The following MYO16 variants were observed in gnomAD, a reference collection of about 807,000 sequenced individuals.
The protein encoded by MYO16 is myosin XVI, also known as unconventional myosin-XVI.
A neutral mutation model predicts 205.3 loss-of-function variants in MYO16; 94 were observed. That is an observed-to-expected ratio of 0.46 (90% CI 0.39 to 0.54). MYO16 has a LOEUF of 0.54. Among genes scored for constraint, MYO16 ranks in the 20% least tolerant of loss-of-function variants. The pLI is 0.00. For missense variants in MYO16, 2,315 were observed against 2,387.5 expected (o/e 0.97, Z 0.63); for synonymous variants, 988 against 954.0 (o/e 1.04, Z -0.66).
intron 6 of MYO16, among the ~76,000 whole-genome samples, chr13:108,799,295 C>T (rs1340114515): frequency 1.3e-5 from 2 of 152,154 alleles, no homozygotes; most frequent in African/African-American, 4.8e-5. Context: ...TGGGTGGAAC[C>T]CATGGATCAC....
intron 10 of MYO16, among the ~76,000 whole-genome samples, chr13:108,849,525 T>TTGTG (rs112815062): frequency 0.02 from 2,507 of 127,748 alleles, 123 homozygotes; most frequent in African/African-American, 0.055. Context: ...ATTTCCTCCT[T>TTGTG]TGTGTGTGTG....
At chr13:108,554,142 T>G in the MYO16 span, among the ~76,000 whole-genome samples, 1 of 152,192 alleles carries the variant, frequency 6.6e-6, no homozygotes, top group Non-Finnish European at 1.5e-5. Context: ...CCAAGTTAAT[T>G]CTGCCTTAAC....
rs569337947 is a variant in MYO16 at position 108,718,658 on chromosome 13, G to C, written c.363+5927G>C. Among the ~76,000 whole-genome samples, 16 of 152,162 alleles carry C rather than the reference G, an allele frequency of 1.1e-4. No homozygotes were observed. In the South Asian group the frequency reaches 2.9e-3, roughly 28 times the overall value. On this transcript the variant is annotated intron_variant, in intron 3 of 34. Transcript: ENST00000457511. ...CTGTCGCTGGCAAACAGGCAATGGA[G>C]GGGCCACGGACTGTGAACAAGAGAC...
chr13:108,614,114 T>G (rs1228149780), intron 1 of MYO16, among the ~76,000 whole-genome samples: 1 of 152,076 alleles, frequency 6.6e-6, no homozygotes, highest in African/African-American at 2.4e-5. Flanking sequence ...AACCAATAAA[T>G]GAGTTCTGAA....
intron 23 of MYO16, among the ~76,000 whole-genome samples, chr13:109,036,510 G>A (rs1886722223): frequency 1.3e-5 from 2 of 152,082 alleles, no homozygotes; most frequent in Non-Finnish European, 2.9e-5. Context: ...CAAAAAAGCC[G>A]CATACTGTCA....
At chr13:108,965,791 T>A (rs1482572502) in intron 20 of MYO16, among the ~76,000 whole-genome samples, 4 of 152,218 alleles carry the variant, frequency 2.6e-5, no homozygotes, top group African/African-American at 9.7e-5. Context: ...AGTGGAAAAC[T>A]TTCTTGTTAT....
chr13:108,985,088 A>G (rs1247071904), intron 20 of MYO16, among the ~76,000 whole-genome samples: 2 of 152,244 alleles, frequency 1.3e-5, no homozygotes, highest in Non-Finnish European at 2.9e-5. Context: ...GTTCAAATAC[A>G]ATGATACAGA....
chr13:109,104,463 A>T (rs774511733), intron 28 of MYO16, among the ~76,000 whole-genome samples: 19 of 130,328 alleles, frequency 1.5e-4, no homozygotes, highest in Admixed American at 6.4e-4. Flanking sequence ...CTGACCCTGA[A>T]ATAGCACAAT....
chr13:109,154,425 C>CT lies in MYO16; in HGVS notation c.5165-10469dup, dbSNP rs148021351. Among the ~76,000 whole-genome samples the CT allele has an allele frequency of 4.1e-3, 620 of 152,278 alleles. 6 individuals carry two copies. The highest frequency in any genetic ancestry group is 0.014 in the African/African-American group (589 of 41,562). On this transcript the variant is annotated intron_variant, in intron 32 of 34. Coordinates refer to ENST00000457511, the MANE Select transcript of MYO16 (RefSeq NM_001198950.3). ...CGTTCCGATGGGCCCTGGTCTGTGTCTTTTTTTGTTATTAAGTACTTTAGA... is the reference window on the plus strand; with the variant it reads ...CGTTCCGATGGGCCCTGGTCTGTGTCTTTTTTTTGTTATTAAGTACTTTAGA...
At chr13:108,733,823 G>T (rs1318725264) in intron 4 of MYO16, among the ~76,000 whole-genome samples, 3 of 152,228 alleles carry the variant, frequency 2.0e-5, no homozygotes, top group East Asian at 3.9e-4. Context: ...CGAAAAATTA[G>T]CTGGGCATGG....
intron 16 of MYO16, among the ~76,000 whole-genome samples, chr13:108,939,666 T>C (rs887672805): frequency 6.6e-6 from 1 of 152,224 alleles, no homozygotes; most frequent in Non-Finnish European, 1.5e-5. Context: ...TTTCTTCTTA[T>C]TTGAGAATAT....
intron 27 of MYO16, among the ~76,000 whole-genome samples, chr13:109,077,232 A>G (rs1888138113): frequency 6.6e-6 from 1 of 152,066 alleles, no homozygotes; most frequent in African/African-American, 2.4e-5. Flanking sequence ...GTTGGCCAGG[A>G]TGGTCTTGAA....
chr13:108,579,021 CTTA>C, the MYO16 span, among the ~76,000 whole-genome samples: 4 of 151,764 alleles, frequency 2.6e-5, no homozygotes, highest in Admixed American at 1.3e-4. Context: ...TCTTTAAAGT[CTTA>C]TTATATTTAG....
intron 9 of MYO16, 101 bp downstream of exon 9, chr13:108,823,379 T>G: frequency 9.1e-7 from 1 of 1,097,418 alleles, no homozygotes; most frequent in Non-Finnish European, 1.3e-6. Flanking sequence ...GTTAGAACAA[T>G]TAAAATGGTT....
intron 16 of MYO16, among the ~76,000 whole-genome samples, chr13:108,917,863 T>C (rs1249463119): frequency 6.6e-6 from 1 of 152,268 alleles, no homozygotes; most frequent in Non-Finnish European, 1.5e-5. Flanking sequence ...GTGATACTTC[T>C]GAAGCTAATA....
intron 4 of MYO16, among the ~76,000 whole-genome samples, chr13:108,760,890 C>T (rs1488103928): frequency 6.6e-6 from 1 of 152,176 alleles, no homozygotes; most frequent in Admixed American, 6.5e-5. Flanking sequence ...TTAGCTCCCG[C>T]ATATGAGTGA....
rs910936054 is a variant in MYO16, at chr13:108,667,323, T to TTG, written c.292+1175_292+1176insGT. On this transcript the variant is annotated intron_variant, in intron 2 of 34. Coordinates refer to ENST00000457511, the MANE Select transcript of MYO16 (RefSeq NM_001198950.3). ...ATATTCTGAGAATTTCTGTTTTGTT[T>TTG]TTTTTTTTTTTTTGTCTTAAACTGC... Among the ~76,000 whole-genome samples the TTG allele has an allele frequency of 1.1e-3, 166 of 148,150 alleles. 1 individual carries two copies. The highest frequency in any genetic ancestry group is 6.3e-3 in the Admixed American group (91 of 14,434).
At chr13:109,151,076 A>G (rs1877634089) in intron 32 of MYO16, among the ~76,000 whole-genome samples, 1 of 152,198 alleles carries the variant, frequency 6.6e-6, no homozygotes, top group Non-Finnish European at 1.5e-5. Context: ...ATTGGAAGAG[A>G]AAAACCTATT....
intron 4 of MYO16, among the ~76,000 whole-genome samples, chr13:108,777,456 C>T (rs1417632333): frequency 6.6e-6 from 1 of 152,072 alleles, no homozygotes; most frequent in Non-Finnish European, 1.5e-5. Flanking sequence ...GGAAGAGGAC[C>T]CTCAGGGATT....
Sources: gnomAD v4.1 joint callset for allele counts (sites outside exome capture counted in the v4.1 genomes callset) on GRCh38, gnomAD v4.1.1 for gene constraint, MANE v1.5 for transcripts, NCBI Gene and HGNC (gene_info 2026-07-23, HGNC 2026-07-21) for gene names.